The following CAST variants were observed in gnomAD, a reference collection of about 807,000 sequenced individuals.
CAST encodes the protein calpastatin.
A neutral mutation model predicts 119.6 loss-of-function variants in CAST; 76 were observed. That is an observed-to-expected ratio of 0.64 (90% CI 0.53 to 0.77). CAST has a LOEUF of 0.77. Ranked by LOEUF, CAST falls within the 30% of genes least tolerant of loss-of-function variation. CAST has a pLI of 0.00. For synonymous variants in CAST, 319 were observed against 331.6 expected (o/e 0.96, Z 0.41); for missense variants, 953 against 946.5 (o/e 1.01, Z -0.09).
the CAST span, chr5:95,961,624 T>C: frequency 3.1e-6 from 5 of 1,607,888 alleles, no homozygotes; most frequent in African/African-American, 6.8e-5. Flanking sequence ...CTCGGTGAGC[T>C]TCACATGCAG....
chr5:96,762,774 T>G, intron 25 of CAST: 2 of 248,648 alleles, frequency 8.0e-6, no homozygotes, highest in Non-Finnish European at 1.5e-5. Flanking sequence ...CTCAAGTTTA[T>G]TTTATGGAAT....
the CAST span, among the ~76,000 whole-genome samples, chr5:96,448,218 G>A: frequency 4.6e-5 from 7 of 152,162 alleles, no homozygotes; most frequent in Non-Finnish European, 8.8e-5. Context: ...AAATCTTAAA[G>A]CCTTAGGTTT....
chr5:96,164,822 TC>T, the CAST span, among the ~76,000 whole-genome samples: 1 of 152,192 alleles, frequency 6.6e-6, no homozygotes, highest in South Asian at 2.1e-4. Flanking sequence ...ATTTTCCTTT[TC>T]TTCTTTCTCT....
At chr5:96,471,811 G>A in the CAST span, among the ~76,000 whole-genome samples, 2 of 72,658 alleles carry the variant, frequency 2.8e-5, no homozygotes, top group East Asian at 3.6e-4. Context: ...TTGCATATGC[G>A]TATTGGACTG....
chr5:96,702,605 T>A (rs1032439020), intron 3 of CAST, among the ~76,000 whole-genome samples: 3 of 152,180 alleles, frequency 2.0e-5, no homozygotes, highest in African/African-American at 7.2e-5. Flanking sequence ...CAGCCGGCGG[T>A]GCGCAGCCCA....
chr5:96,548,092 A>G (rs1424585697), intron 1 of CAST, among the ~76,000 whole-genome samples: 2 of 152,198 alleles, frequency 1.3e-5, no homozygotes, highest in African/African-American at 4.8e-5. Context: ...CCCAGAAAGT[A>G]GACAATTCAG....
chr5:96,724,538 G>T (rs113728742), intron 4 of CAST, among the ~76,000 whole-genome samples: 2,106 of 152,138 alleles, frequency 0.014, 27 homozygotes, highest in Non-Finnish European at 0.022. Flanking sequence ...CAAAATAAAA[G>T]TTCTCATTAA....
At chr5:96,368,601 G>T in the CAST span, among the ~76,000 whole-genome samples, 30,456 of 151,728 alleles carry the variant, frequency 0.2, 3,863 homozygotes, top group Non-Finnish European at 0.26. Context: ...CTTCTGATTC[G>T]CTCCAGTAGG....
At chr5:96,663,382 G>A (rs1208659771) in intron 1 of CAST, among the ~76,000 whole-genome samples, 1 of 152,208 alleles carries the variant, frequency 6.6e-6, no homozygotes, top group Non-Finnish European at 1.5e-5. Flanking sequence ...GCGCGCCCGA[G>A]CGTGCGCGGC....
the CAST span, among the ~76,000 whole-genome samples, chr5:96,378,678 T>C: frequency 6.6e-6 from 1 of 152,118 alleles, no homozygotes; most frequent in Non-Finnish European, 1.5e-5. Flanking sequence ...ATAAAATTCA[T>C]ATTTTTAAAA....
the CAST span, among the ~76,000 whole-genome samples, chr5:96,108,512 G>A: frequency 1.3e-5 from 2 of 152,212 alleles, no homozygotes; most frequent in Admixed American, 6.5e-5. Context: ...CCCTGCTGGG[G>A]GGTGCCTCCC....
At chr5:96,169,801 G>A in the CAST span, among the ~76,000 whole-genome samples, 1 of 152,130 alleles carries the variant, frequency 6.6e-6, no homozygotes, top group Non-Finnish European at 1.5e-5. Flanking sequence ...AGACAATGAG[G>A]TGTGGCTGTA....
rs1346461438 is a variant in CAST at position 96,574,073 on chromosome 5, C to T, written c.60+44193C>T. ...TTTTTTTTTTTTTTTTTTTTTGAGA[C>T]GGAGTCTCGCTCTGTCGCCCAGGCC... On this transcript the variant is annotated intron_variant, in intron 1 of 11. Coordinates refer to the CAST transcript ENST00000505143. Among the ~76,000 whole-genome samples the T allele has an allele frequency of 7.7e-3, 7 of 908 alleles. 2 individuals are homozygous for T. The African/African-American group carries it at 0.1, about 13-fold the overall frequency. The allele number at this position is 908 out of a possible 152,430, so 0.6% of individuals were successfully genotyped here.
upstream of CAST, among the ~76,000 whole-genome samples, chr5:96,660,683 G>A (rs916336852): frequency 6.6e-6 from 1 of 152,094 alleles, no homozygotes; most frequent in Non-Finnish European, 1.5e-5. Context: ...GGCCAGGAAG[G>A]AGGAGCTGCC....
At chr5:96,336,618 C>CA in the CAST span, among the ~76,000 whole-genome samples, 1 of 152,232 alleles carries the variant, frequency 6.6e-6, no homozygotes, top group African/African-American at 2.4e-5. Flanking sequence ...ATCAAACCCA[C>CA]AGTGTTAAGG....
At chr5:96,186,088 A>G in the CAST span, among the ~76,000 whole-genome samples, 5 of 152,188 alleles carry the variant, frequency 3.3e-5, no homozygotes. Flanking sequence ...CTGTATTCAT[A>G]GATATTTTAT....
chr5:96,437,749 A>T, the CAST span, among the ~76,000 whole-genome samples: 1 of 152,156 alleles, frequency 6.6e-6, no homozygotes, highest in African/African-American at 2.4e-5. Flanking sequence ...ATTCATACGC[A>T]ATTAAAGTTT....
At chr5:96,748,785 C>G in intron 19 of CAST, 172 bp downstream of exon 19, 1 of 519,668 alleles carries the variant, frequency 1.9e-6, no homozygotes, top group Admixed American at 3.6e-5. Flanking sequence ...CCAACCTAAC[C>G]CTGATATTCT....
chr5:96,382,938 G>C, the CAST span, among the ~76,000 whole-genome samples: 2 of 152,156 alleles, frequency 1.3e-5, no homozygotes, highest in Non-Finnish European at 2.9e-5. Context: ...TCATGGACCT[G>C]CAGATAAACT....
Sources: allele counts gnomAD v4.1 joint callset (sites outside exome capture counted in the v4.1 genomes callset), GRCh38; gene constraint gnomAD v4.1.1; transcripts MANE v1.5; gene names NCBI Gene and HGNC (gene_info 2026-07-23, HGNC 2026-07-21).